Variants in PROM1 observed in about 807,000 individuals in gnomAD.
The protein encoded by PROM1 is prominin 1.
In PROM1, 105 loss-of-function variants were observed where a neutral mutation model predicts 116.9. That is an observed-to-expected ratio of 0.90 (90% CI 0.77 to 1.06). PROM1 has a LOEUF of 1.06. PROM1 is among the 50% of genes least tolerant of loss of function. The pLI is 0.00. For synonymous variants in PROM1, 393 were observed against 387.0 expected (o/e 1.02, Z -0.18); for missense variants, 1,122 against 1,045.2 (o/e 1.07, Z -1.01).
rs566648519 is a variant in PROM1, at chr4:15,969,311, T to C, written c.*82A>G. 5.3e-5 allele frequency: 8 copies of C among 152,330 alleles called. No homozygotes were observed. The South Asian group carries it at 1.7e-3, about 32-fold the overall frequency. The allele number at this position is 152,330 out of a possible 1,614,324, so 9.4% of individuals were successfully genotyped here. A position where few individuals can be genotyped will look rare whatever the true frequency, so the allele number is the denominator to read the frequency against. On this transcript the variant is annotated 3_prime_UTR_variant, in exon 28 of 28. Coordinates refer to ENST00000447510, the MANE Select transcript of PROM1 (RefSeq NM_006017.3). ...CGTTGCTCCTGGATTTGGAAAGTCC[T>C]TGTAGACCCAGAAACTACCAAAAAT...
intron 17 of PROM1, 62 bp from the exon 18 acceptor site, chr4:15,991,355 T>A: frequency 1.8e-6 from 2 of 1,109,540 alleles, no homozygotes; most frequent in Middle Eastern, 2.0e-4. Flanking sequence ...TAACACAACA[T>A]CTAGTAGGCA....
intron 2 of PROM1, among the ~76,000 whole-genome samples, chr4:16,059,215 C>T (rs1394318329): frequency 1.3e-5 from 2 of 152,222 alleles, no homozygotes; most frequent in South Asian, 2.1e-4. Context: ...CAAATTCCTG[C>T]TCTGCCCACT....
chr4:16,007,240 G>A (rs974865102), intron 12 of PROM1, among the ~76,000 whole-genome samples: 3 of 152,130 alleles, frequency 2.0e-5, no homozygotes, highest in Admixed American at 6.6e-5. Context: ...CAGATGCATG[G>A]GGTATTTAGA....
At chr4:15,984,173 A>C (rs1343993723) in intron 23 of PROM1, 90 bp downstream of exon 23, 2 of 1,103,548 alleles carry the variant, frequency 1.8e-6, no homozygotes, top group African/African-American at 3.2e-5. Flanking sequence ...TCTCAAGCAG[A>C]AAACAAATAT....
chr4:15,998,451 T>A lies in PROM1; in HGVS notation c.1616A>T (p.Glu539Val), dbSNP rs866140263. The change falls in exon 15 of 28, where the codon GAA becomes GTA. Residue 539 changes from glutamate (E) to valine (V), a missense_variant. Transcript: ENST00000447510. ...DTPYLLNEDW[E>V]YYLSGKLFNK... ...AAATAGCTTCCCAGAGAGATAGTAT[T>A]CCCAGTCTTCATTTAGTAAGTAGGG... 2.5e-6 allele frequency: 4 copies of A among 1,608,720 alleles called. No individual in the cohort carries two copies. The highest frequency in any genetic ancestry group is 4.5e-5 in the East Asian group (2 of 44,678).
intron 2 of PROM1, among the ~76,000 whole-genome samples, chr4:16,043,743 A>G (rs1517588): frequency 0.8 from 121,706 of 151,450 alleles, 49,236 homozygotes; most frequent in East Asian, 0.94. Flanking sequence ...GAGAGCACAC[A>G]GGTTGCCCCA....
In PROM1 at chr4:16,004,421, T is replaced by G. The variant is rs1724647669; in HGVS notation, c.1454+2117A>C. Among the ~76,000 whole-genome samples, 5 of 152,234 alleles carry G rather than the reference T, an allele frequency of 3.3e-5. No homozygotes were observed. The South Asian group carries it at 1.0e-3, about 32-fold the overall frequency. On this transcript the variant is annotated intron_variant, in intron 13 of 27. Coordinates refer to ENST00000447510, the MANE Select transcript of PROM1 (RefSeq NM_006017.3). ...GTTTTATTTTTTCTTTCTTTGAAGC[T>G]TGATATCACATTTTTTGTTGTATCC...
chr4:16,058,069 C>T (rs183175722), intron 2 of PROM1, among the ~76,000 whole-genome samples: 6 of 152,242 alleles, frequency 3.9e-5, no homozygotes, highest in African/African-American at 1.4e-4. Flanking sequence ...TTTCCAAGGG[C>T]TCTCACAAAG....
chr4:15,995,961 C>A (rs1484439200), intron 15 of PROM1, among the ~76,000 whole-genome samples: 1 of 152,166 alleles, frequency 6.6e-6, no homozygotes, highest in Non-Finnish European at 1.5e-5. Flanking sequence ...ATACCGTTAC[C>A]ACAGGTGCTC....
intron 2 of PROM1, among the ~76,000 whole-genome samples, chr4:16,054,991 A>G (rs1738682378): frequency 6.6e-6 from 1 of 152,156 alleles, no homozygotes; most frequent in Non-Finnish European, 1.5e-5. Context: ...TCCCTGGACT[A>G]TTTATTCTAC....
At chr4:15,983,105 CAT>C (rs1161956759) in intron 23 of PROM1, among the ~76,000 whole-genome samples, 1 of 152,078 alleles carries the variant, frequency 6.6e-6, no homozygotes, top group Non-Finnish European at 1.5e-5. Context: ...ATCAAAGAAA[CAT>C]ATAAATATGT....
intron 2 of PROM1, among the ~76,000 whole-genome samples, chr4:16,042,876 C>G (rs967394570): frequency 7.9e-5 from 12 of 152,128 alleles, no homozygotes; most frequent in African/African-American, 2.7e-4. Flanking sequence ...GGGAGCAACC[C>G]AGATACAGAT....
At chr4:16,063,075 G>A (rs983793094) in intron 2 of PROM1, among the ~76,000 whole-genome samples, 2 of 152,138 alleles carry the variant, frequency 1.3e-5, no homozygotes, top group African/African-American at 2.4e-5. Context: ...GTAAATGTAG[G>A]ACACTATCTA....
rs910651057 is a variant in PROM1, at chr4:16,016,310, G to C, written c.1003-70C>G. On this transcript the variant is annotated intron_variant, in intron 9 of 27. Transcript: ENST00000447510. ...AAAACAATTCCTCATGAAGAAAGAAGTCATTGTATATTCCAAGTCCCAAAG... is the reference window on the plus strand; with the variant it reads ...AAAACAATTCCTCATGAAGAAAGAACTCATTGTATATTCCAAGTCCCAAAG... The C allele has an allele frequency of 8.8e-6, 11 of 1,252,472 alleles. No homozygotes were observed. The African/African-American group carries it at 1.5e-4, about 17-fold the overall frequency. 77.6% of individuals were successfully genotyped at this position (1,252,472 alleles called of 1,614,324 possible).
Position 16,075,987 on chromosome 4 carries a change from C to T in PROM1, c.-81G>A, listed in dbSNP as rs1228292961. The T allele has an allele frequency of 2.4e-5, 36 of 1,477,158 alleles. No homozygotes were observed. In the South Asian group the frequency reaches 3.0e-4, roughly 12 times the overall value. 91.5% of individuals were successfully genotyped at this position (1,477,158 alleles called of 1,614,324 possible). ...TTCTGGAAGCCTTGGGGAAGGCAAG[C>T]GTGTTCCTGGGCAGAAGAGGAGCAG... is the stretch of plus-strand genomic sequence containing the variant. On this transcript the variant is annotated 5_prime_UTR_variant, in exon 2 of 28. Transcript: ENST00000447510.
At chr4:16,028,488 CA>C (rs916861307) in intron 5 of PROM1, among the ~76,000 whole-genome samples, 2 of 151,912 alleles carry the variant, frequency 1.3e-5, no homozygotes, top group African/African-American at 2.4e-5. Context: ...TAGCAACTAA[CA>C]AAAAAAATTT....
In PROM1 at chr4:16,056,611, G is replaced by C. The variant is rs28613549; in HGVS notation, c.221-17610C>G. Among the ~76,000 whole-genome samples the C allele has an allele frequency of 1.4e-3, 208 of 151,046 alleles. 3 individuals are homozygous for C. Among genetic ancestry groups the C allele is most frequent in the African/African-American group, 4.8e-3 (197 of 41,086 alleles). ...GGGGTGGAAGACGATCTGTCCCTCT[G>C]AGATGACATTTGAGCAAAGGCTGGA... On this transcript the variant is annotated intron_variant, in intron 2 of 27. Coordinates refer to ENST00000447510, the MANE Select transcript of PROM1 (RefSeq NM_006017.3).
At chr4:15,992,123 CTCACT>C in intron 17 of PROM1, 120 bp downstream of exon 17, 3 of 1,246,254 alleles carry the variant, frequency 2.4e-6, no homozygotes, top group Non-Finnish European at 3.4e-6. Context: ...CACCGAATTG[CTCACT>C]TTAAAATAGT....
chr4:15,984,479 T>C, intron 22 of PROM1, 124 bp from the exon 23 acceptor site: 1 of 619,184 alleles, frequency 1.6e-6, no homozygotes, highest in Non-Finnish European at 2.7e-6. Context: ...AAGACAGGGG[T>C]CCCCAACTCC....
Sources: allele counts gnomAD v4.1 joint callset (sites outside exome capture counted in the v4.1 genomes callset), GRCh38; gene constraint gnomAD v4.1.1; transcripts MANE v1.5; gene names NCBI Gene and HGNC (gene_info 2026-07-23, HGNC 2026-07-21).